The following MDGA2 variants were observed in gnomAD, a reference collection of about 807,000 sequenced individuals.
The protein encoded by MDGA2 is MAM domain containing glycosylphosphatidylinositol anchor 2, also known as MAM domain-containing glycosylphosphatidylinositol anchor protein 2.
In MDGA2, 40 loss-of-function variants were observed where a neutral mutation model predicts 117.8. That is an observed-to-expected ratio of 0.34 (90% CI 0.26 to 0.44). The LOEUF is 0.44. Among genes scored for constraint, MDGA2 ranks in the 20% least tolerant of loss-of-function variants. MDGA2 has a pLI of 1.00. For missense variants in MDGA2, 1,123 were observed against 1,250.6 expected, an observed-to-expected ratio of 0.90 and a Z score of 1.54; for synonymous variants, 452 against 439.0, an observed-to-expected ratio of 1.03 and a Z score of -0.37.
chr14:47,248,688 C>G (rs1489540226), intron 2 of MDGA2, among the ~76,000 whole-genome samples: 1 of 151,886 alleles, frequency 6.6e-6, no homozygotes, highest in Non-Finnish European at 1.5e-5. Flanking sequence ...AATTTCTGAG[C>G]ATCAGATAAT....
chr14:47,475,368 C>A (rs1680224735), intron 1 of MDGA2, among the ~76,000 whole-genome samples: 1 of 152,124 alleles, frequency 6.6e-6, no homozygotes, highest in Admixed American at 6.6e-5. Flanking sequence ...ACTTTTAACA[C>A]TGTTGGTGGG....
chr14:46,874,026 A>C lies in MDGA2; in HGVS notation c.2593+19T>G, dbSNP rs912963177. ...AAAGTCTCTGATTGCTATGAACACAAAAGGTCATACCCCCATACCTTCTTT... is the reference window on the plus strand; with the variant it reads ...AAAGTCTCTGATTGCTATGAACACACAAGGTCATACCCCCATACCTTCTTT... On this transcript the variant is annotated intron_variant, in intron 13 of 16. Transcript: ENST00000399232. 8.6e-6 allele frequency: 13 copies of C among 1,517,374 alleles called. No homozygotes were observed. The highest frequency in any genetic ancestry group is 1.1e-5 in the Non-Finnish European group (13 of 1,142,328). 94.0% of individuals were successfully genotyped at this position (1,517,374 alleles called of 1,614,324 possible). A position where few individuals can be genotyped will look rare whatever the true frequency, so the allele number is the denominator to read the frequency against.
At chr14:47,449,344 G>T (rs2138566520) in intron 1 of MDGA2, among the ~76,000 whole-genome samples, 1 of 152,222 alleles carries the variant, frequency 6.6e-6, no homozygotes, top group East Asian at 1.9e-4. Context: ...CTTTGCTACA[G>T]AAGGAGCAAA....
intron 6 of MDGA2, among the ~76,000 whole-genome samples, chr14:47,062,386 G>C (rs1889917965): frequency 6.6e-6 from 1 of 151,894 alleles, no homozygotes; most frequent in Non-Finnish European, 1.5e-5. Context: ...GGCTGCCAAG[G>C]GAGCATCTAT....
intron 8 of MDGA2, chr14:46,960,327 T>C (rs1243063588): frequency 6.6e-6 from 1 of 152,222 alleles, no homozygotes; most frequent in Non-Finnish European, 1.5e-5. Context: ...CCTTCTTTCA[T>C]TGTAGACTTT....
intron 7 of MDGA2, among the ~76,000 whole-genome samples, chr14:47,058,123 A>C (rs1211633789): frequency 6.6e-6 from 1 of 152,160 alleles, no homozygotes; most frequent in Non-Finnish European, 1.5e-5. Flanking sequence ...TACTTAAAAA[A>C]TATCATTATA....
At chr14:47,483,844 A>C (rs527304230) in intron 1 of MDGA2, among the ~76,000 whole-genome samples, 90 of 152,284 alleles carry the variant, frequency 5.9e-4, no homozygotes, top group Admixed American at 2.2e-3. Context: ...TATTATAAAG[A>C]CAAGAGCTGA....
At chr14:47,320,201 C>A (rs966945142) in intron 1 of MDGA2, among the ~76,000 whole-genome samples, 3 of 152,074 alleles carry the variant, frequency 2.0e-5, no homozygotes, top group Non-Finnish European at 2.9e-5. Flanking sequence ...GTTGCAGCTG[C>A]CCTAGCAAAC....
At chr14:47,418,912 T>C (rs899181585) in intron 1 of MDGA2, among the ~76,000 whole-genome samples, 1 of 152,202 alleles carries the variant, frequency 6.6e-6, no homozygotes, top group Admixed American at 6.5e-5. Flanking sequence ...AAGTACTCTA[T>C]GAATTCTGGT....
At chr14:47,073,871 C>G (rs1017132623) in intron 6 of MDGA2, among the ~76,000 whole-genome samples, 5 of 152,152 alleles carry the variant, frequency 3.3e-5, no homozygotes, top group Non-Finnish European at 5.9e-5. Flanking sequence ...AAATGTGTTT[C>G]TCTATAATTT....
intron 1 of MDGA2, among the ~76,000 whole-genome samples, chr14:47,317,431 G>T (rs1394850342): frequency 1.3e-5 from 2 of 152,078 alleles, no homozygotes; most frequent in African/African-American, 4.8e-5. Context: ...ACTTACTTAT[G>T]TCATGATATT....
chr14:47,127,557 A>G (rs1202170082), intron 5 of MDGA2, among the ~76,000 whole-genome samples: 2 of 152,128 alleles, frequency 1.3e-5, no homozygotes, highest in African/African-American at 4.8e-5. Flanking sequence ...ACTAGTTTAT[A>G]TTTTTAAACT....
intron 14 of MDGA2, among the ~76,000 whole-genome samples, chr14:46,870,300 C>T (rs559803583): frequency 1.3e-4 from 19 of 151,864 alleles, no homozygotes; most frequent in Non-Finnish European, 2.5e-4. Context: ...TACAATTACT[C>T]ATGAAGTTAT....
chr14:46,971,889 G>C (rs1055491121), intron 8 of MDGA2, among the ~76,000 whole-genome samples: 2 of 152,100 alleles, frequency 1.3e-5, no homozygotes, highest in African/African-American at 4.8e-5. Flanking sequence ...ATTGTTATCA[G>C]TACAATTGTT....
At chr14:47,618,560 T>C (rs1475690451) in intron 1 of MDGA2, among the ~76,000 whole-genome samples, 1 of 152,238 alleles carries the variant, frequency 6.6e-6, no homozygotes, top group African/African-American at 2.4e-5. Flanking sequence ...CTAAATGTGT[T>C]ACAAGAAGGC....
Position 47,624,401 on chromosome 14 carries a change from C to T in MDGA2, c.280+50116G>A, listed in dbSNP as rs542538532. 9.9e-5 allele frequency among the ~76,000 whole-genome samples: 15 copies of T among 152,090 alleles called. No individual in the cohort carries two copies. The South Asian group carries it at 1.2e-3, about 13-fold the overall frequency. ...TGAACCTAGGAGGTGGAGGTTGCAG[C>T]GAGCTGAGATCACAGCACCGCACTC... is the stretch of plus-strand genomic sequence containing the variant. On this transcript the variant is annotated intron_variant, in intron 1 of 16. Coordinates refer to ENST00000399232, the MANE Select transcript of MDGA2 (RefSeq NM_001113498.3).
intron 2 of MDGA2, among the ~76,000 whole-genome samples, chr14:47,239,542 A>G (rs1886972085): frequency 6.6e-6 from 1 of 151,882 alleles, no homozygotes; most frequent in Non-Finnish European, 1.5e-5. Flanking sequence ...GATACCAGGC[A>G]TACAATTTTA....
intron 1 of MDGA2, among the ~76,000 whole-genome samples, chr14:47,363,665 T>C (rs927966753): frequency 6.6e-5 from 10 of 151,962 alleles, no homozygotes; most frequent in Non-Finnish European, 1.0e-4. Context: ...TTGGTAATCA[T>C]TTACTTTCTT....
intron 8 of MDGA2, among the ~76,000 whole-genome samples, chr14:47,009,705 AT>A (rs1410742661): frequency 6.6e-6 from 1 of 152,072 alleles, no homozygotes; most frequent in Non-Finnish European, 1.5e-5. Flanking sequence ...TCAATTGGAC[AT>A]ACTTACTGAA....
Sources: gnomAD v4.1 joint callset for allele counts (sites outside exome capture counted in the v4.1 genomes callset) on GRCh38, gnomAD v4.1.1 for gene constraint, MANE v1.5 for transcripts, NCBI Gene and HGNC (gene_info 2026-07-23, HGNC 2026-07-21) for gene names.